The following LINGO2 variants were observed in gnomAD, a reference collection of about 807,000 sequenced individuals.
The protein encoded by LINGO2 is leucine-rich repeat and immunoglobulin-like domain-containing nogo receptor-interacting protein 2.
In LINGO2, 14 loss-of-function variants were observed where a neutral mutation model predicts 30.6. That is an observed-to-expected ratio of 0.46 (90% CI 0.30 to 0.72). LINGO2 has a LOEUF of 0.72. Among genes scored for constraint, LINGO2 ranks in the 30% least tolerant of loss-of-function variants. The probability of loss-of-function intolerance (pLI) is 0.07; values close to 1 mark genes in which losing one functional copy is unlikely to be tolerated. For missense variants in LINGO2, 729 were observed against 751.7 expected (o/e 0.97, Z 0.35); for synonymous variants, 317 against 288.5 (o/e 1.10, Z -1.00).
the LINGO2 span, among the ~76,000 whole-genome samples, chr9:28,990,110 C>G: frequency 3.3e-5 from 5 of 152,186 alleles, no homozygotes; most frequent in Non-Finnish European, 7.3e-5. Context: ...CTGGGAAGCG[C>G]AAGGGGTCAG....
intron 5 of LINGO2, among the ~76,000 whole-genome samples, chr9:27,989,973 T>C (rs1279274660): frequency 1.3e-5 from 2 of 152,050 alleles, no homozygotes; most frequent in South Asian, 4.1e-4. Flanking sequence ...GAATGAGAAG[T>C]GGTTCCAGCT....
intron 4 of LINGO2, among the ~76,000 whole-genome samples, chr9:28,032,941 A>T (rs1214801682): frequency 6.6e-6 from 1 of 152,186 alleles, no homozygotes; most frequent in Non-Finnish European, 1.5e-5. Context: ...AAGTTTTAGG[A>T]GACAGCATCC....
At chr9:28,832,092 T>A in the LINGO2 span, among the ~76,000 whole-genome samples, 1 of 152,208 alleles carries the variant, frequency 6.6e-6, no homozygotes, top group Non-Finnish European at 1.5e-5. Flanking sequence ...TTATTTGACT[T>A]GCTCACCTTA....
At chr9:28,136,318 T>A (rs755467349) in intron 4 of LINGO2, among the ~76,000 whole-genome samples, 1 of 152,216 alleles carries the variant, frequency 6.6e-6, no homozygotes, top group Non-Finnish European at 1.5e-5. Flanking sequence ...CTTCCTGCAT[T>A]CAGATGCAGC....
chr9:28,967,410 G>GA, the LINGO2 span, among the ~76,000 whole-genome samples: 1 of 152,134 alleles, frequency 6.6e-6, no homozygotes, highest in Non-Finnish European at 1.5e-5. Flanking sequence ...GGGGACTGAA[G>GA]AAAATGAGAA....
chr9:28,562,185 G>A (rs1374688747), intron 1 of LINGO2, among the ~76,000 whole-genome samples: 1 of 151,808 alleles, frequency 6.6e-6, no homozygotes, highest in African/African-American at 2.4e-5. Context: ...TGGTCTCCTC[G>A]TTCATAGAAC....
the LINGO2 span, among the ~76,000 whole-genome samples, chr9:28,842,377 C>T: frequency 6.6e-6 from 1 of 151,886 alleles, no homozygotes; most frequent in Admixed American, 6.5e-5. Flanking sequence ...TCTGTGCCTA[C>T]AAACACTGTG....
intron 2 of LINGO2, among the ~76,000 whole-genome samples, chr9:28,381,891 T>C (rs1191383544): frequency 6.6e-6 from 1 of 152,092 alleles, no homozygotes; most frequent in African/African-American, 2.4e-5. Context: ...TTACATTTTG[T>C]TTCTTCAGTT....
At chr9:29,047,884 T>C in the LINGO2 span, among the ~76,000 whole-genome samples, 1 of 151,588 alleles carries the variant, frequency 6.6e-6, no homozygotes, top group South Asian at 2.1e-4. Flanking sequence ...ATGGATCAAT[T>C]GAGGCCAAGA....
the LINGO2 span, among the ~76,000 whole-genome samples, chr9:28,754,110 C>T: frequency 1.3e-5 from 2 of 151,650 alleles, no homozygotes; most frequent in Admixed American, 1.3e-4. Flanking sequence ...GCATATTTCC[C>T]AAGTATACTA....
the LINGO2 span, among the ~76,000 whole-genome samples, chr9:29,025,450 A>T: frequency 6.6e-6 from 1 of 152,144 alleles, no homozygotes; most frequent in African/African-American, 2.4e-5. Flanking sequence ...AGTTACATCT[A>T]TTGTTTAATA....
the LINGO2 span, among the ~76,000 whole-genome samples, chr9:28,767,740 C>T: frequency 9.7e-4 from 140 of 144,428 alleles, no homozygotes; most frequent in Non-Finnish European, 1.6e-3. Flanking sequence ...GAGCCGAGAT[C>T]GCGCCACTGC....
At chr9:28,965,440 G>A in the LINGO2 span, among the ~76,000 whole-genome samples, 2,995 of 151,976 alleles carry the variant, frequency 0.02, 119 homozygotes, top group African/African-American at 0.069. Context: ...ATTCATTCCC[G>A]TTTCCTACGT....
At chr9:28,556,276 C>G (rs1222540676) in intron 1 of LINGO2, among the ~76,000 whole-genome samples, 1 of 151,966 alleles carries the variant, frequency 6.6e-6, no homozygotes, top group East Asian at 1.9e-4. Context: ...TCTCCTTAAG[C>G]TGATAAGCAA....
chr9:29,209,979 A>G, the LINGO2 span, among the ~76,000 whole-genome samples: 1 of 152,196 alleles, frequency 6.6e-6, no homozygotes, highest in Non-Finnish European at 1.5e-5. Context: ...ATTTCCACCT[A>G]GAGTCCTTTC....
At chr9:28,302,959 C>T (rs1824205050) in intron 3 of LINGO2, among the ~76,000 whole-genome samples, 1 of 152,128 alleles carries the variant, frequency 6.6e-6, no homozygotes, top group South Asian at 2.1e-4. Context: ...AAGATTTAAA[C>T]TTGTGACTTG....
At chr9:28,901,496 A>T in the LINGO2 span, among the ~76,000 whole-genome samples, 2 of 152,124 alleles carry the variant, frequency 1.3e-5, no homozygotes, top group Non-Finnish European at 1.5e-5. Context: ...TAAAAATAAT[A>T]GGCGCAATTA....
chr9:28,842,149 G>A, the LINGO2 span, among the ~76,000 whole-genome samples: 17 of 151,782 alleles, frequency 1.1e-4, no homozygotes, highest in East Asian at 1.2e-3. Flanking sequence ...AAAAATATTC[G>A]TTCCAACTCT....
At chr9:28,795,084 C>T in the LINGO2 span, among the ~76,000 whole-genome samples, 4 of 152,094 alleles carry the variant, frequency 2.6e-5, no homozygotes, top group African/African-American at 7.2e-5. Flanking sequence ...GCCCCCACCT[C>T]GGCCTTCCCA....
Sources: gnomAD v4.1 joint callset for allele counts (sites outside exome capture counted in the v4.1 genomes callset) on GRCh38, gnomAD v4.1.1 for gene constraint, MANE v1.5 for transcripts, NCBI Gene and HGNC (gene_info 2026-07-23, HGNC 2026-07-21) for gene names.